Variants in PKIB observed in about 807,000 individuals in gnomAD.
PKIB encodes PKI-beta.
PKIB carries 2 observed loss-of-function variants against 4.5 expected under a neutral mutation model. The ratio of observed to expected loss-of-function variants is 0.44; its 90% confidence interval spans 0.18 to 1.39. The LOEUF is 1.39. Ranked by LOEUF, PKIB falls within the 40% of genes most tolerant of loss-of-function variation. The pLI, the probability that PKIB is intolerant of heterozygous loss-of-function variation, is 0.27. For synonymous variants in PKIB, 38 were observed against 36.0 expected (o/e 1.06, Z -0.20); for missense variants, 94 against 92.6 (o/e 1.02, Z -0.06).
At chr6:122,541,309 A>G (rs1361332395) in intron 2 of PKIB, among the ~76,000 whole-genome samples, 1 of 152,036 alleles carries the variant, frequency 6.6e-6, no homozygotes, top group East Asian at 1.9e-4. Flanking sequence ...ATGTTTTTGC[A>G]GTGGGTGGTA....
intron 2 of PKIB, among the ~76,000 whole-genome samples, chr6:122,520,913 C>T (rs969384105): frequency 7.9e-5 from 12 of 152,142 alleles, no homozygotes; most frequent in African/African-American, 2.9e-4. Context: ...GAAGCATTTT[C>T]CCTGCAAAAA....
chr6:122,567,115 T>C (rs1198934106), intron 2 of PKIB, among the ~76,000 whole-genome samples: 2 of 152,214 alleles, frequency 1.3e-5, no homozygotes, highest in African/African-American at 4.8e-5. Flanking sequence ...CCTGCTCATA[T>C]TTCTCAGACT....
intron 2 of PKIB, among the ~76,000 whole-genome samples, chr6:122,550,734 G>T (rs1179854385): frequency 6.6e-6 from 1 of 152,064 alleles, no homozygotes; most frequent in East Asian, 1.9e-4. Context: ...AAATTTCATT[G>T]ATTTTCTCCT....
intron 3 of PKIB, among the ~76,000 whole-genome samples, chr6:122,594,048 G>T (rs974023389): frequency 6.6e-6 from 1 of 152,004 alleles, no homozygotes; most frequent in South Asian, 2.1e-4. Flanking sequence ...CAATAATGAG[G>T]TTGTAATTAT....
chr6:122,547,156 A>G (rs552143535), intron 2 of PKIB, among the ~76,000 whole-genome samples: 1 of 152,086 alleles, frequency 6.6e-6, no homozygotes, highest in Admixed American at 6.5e-5. Context: ...CTTTCCTCTC[A>G]GATTTGGAAA....
At chr6:122,611,234 G>A (rs1774740683) in intron 1 of PKIB, among the ~76,000 whole-genome samples, 1 of 152,218 alleles carries the variant, frequency 6.6e-6, no homozygotes, top group Non-Finnish European at 1.5e-5. Flanking sequence ...GGAAATTCCT[G>A]AAGGTGCATT....
At chr6:122,607,328 C>CAAAACAAAACAAA (rs1178331395), upstream of PKIB, among the ~76,000 whole-genome samples, 1 of 151,664 alleles carries the variant, frequency 6.6e-6, no homozygotes, top group Non-Finnish European at 1.5e-5. Context: ...CAAAACAAAA[C>CAAAACAAAACAAA]AAAACAAAAC....
chr6:122,533,658 A>G (rs886447874), intron 2 of PKIB, among the ~76,000 whole-genome samples: 1 of 152,168 alleles, frequency 6.6e-6, no homozygotes, highest in Non-Finnish European at 1.5e-5. Flanking sequence ...GAACAACTTT[A>G]TTTTGAGGTG....
intron 2 of PKIB, among the ~76,000 whole-genome samples, chr6:122,543,582 G>T (rs1019079528): frequency 4.6e-5 from 7 of 151,850 alleles, no homozygotes; most frequent in Non-Finnish European, 8.8e-5. Flanking sequence ...GTTTCATCAT[G>T]TTGGCCAGAC....
chr6:122,611,516 C>A (rs79365316), intron 1 of PKIB, among the ~76,000 whole-genome samples: 5,670 of 152,172 alleles, frequency 0.037, 120 homozygotes, highest in African/African-American at 0.058. Flanking sequence ...AAACGTTCAT[C>A]TAGAAAAAAA....
chr6:122,610,640 G>A (rs973709439), intron 1 of PKIB, 105 bp downstream of exon 1: 3 of 152,308 alleles, frequency 2.0e-5, no homozygotes, highest in African/African-American at 7.2e-5. Flanking sequence ...GATGTGGTAA[G>A]TGCAACTTTC....
chr6:122,646,822 A>T (rs1776336084), intron 2 of PKIB, among the ~76,000 whole-genome samples: 1 of 152,154 alleles, frequency 6.6e-6, no homozygotes, highest in Non-Finnish European at 1.5e-5. Flanking sequence ...CTCAATTTAC[A>T]CCTTCTTCAT....
At position 122,499,998 on chromosome 6, in the gene PKIB, G is replaced by T. The variant is rs180779549; in HGVS notation, c.-248+22059G>T. 3.0e-3 allele frequency among the ~76,000 whole-genome samples: 461 copies of T among 152,258 alleles called. 2 individuals carry two copies. The highest frequency in any genetic ancestry group is 0.011 in the African/African-American group (438 of 41,544). On this transcript the variant is annotated intron_variant, in intron 2 of 6. Coordinates refer to the PKIB transcript ENST00000392491. ...TAAGAATACATCTAACAAAGGAGGTGAATGATATCTACAAGGAAAACTATG... is the reference window on the plus strand; with the variant it reads ...TAAGAATACATCTAACAAAGGAGGTTAATGATATCTACAAGGAAAACTATG...
At position 122,568,893 on chromosome 6, in the gene PKIB, T is replaced by C. The variant is rs1252255755; in HGVS notation, c.-247-17028T>C. Among the ~76,000 whole-genome samples the C allele has an allele frequency of 2.6e-5, 4 of 152,126 alleles. No homozygotes were observed. The East Asian group carries it at 7.8e-4, about 29-fold the overall frequency. On this transcript the variant is annotated intron_variant, in intron 2 of 6. Transcript: ENST00000392491. ...TGGCCTCGGGCAGGTCTGAGTTCTG[T>C]GTGCAGACTGCCTGGATCTTAACCC... is the stretch of plus-strand genomic sequence containing the variant.
chr6:122,659,737 G>T (rs910597795), intron 2 of PKIB, among the ~76,000 whole-genome samples: 5 of 152,108 alleles, frequency 3.3e-5, no homozygotes, highest in African/African-American at 1.2e-4. Context: ...CGGTAAAGTT[G>T]CCTATGTGTA....
chr6:122,531,362 G>GT (rs1777253821), intron 2 of PKIB: 2 of 152,082 alleles, frequency 1.3e-5, no homozygotes, highest in Admixed American at 1.3e-4. Flanking sequence ...CACACAAAGA[G>GT]TAACAGAAAG....
At chr6:122,685,071 T>C (rs1041119909) in intron 3 of PKIB, among the ~76,000 whole-genome samples, 2 of 152,148 alleles carry the variant, frequency 1.3e-5, no homozygotes, top group African/African-American at 4.8e-5. Context: ...AAATGTGTTA[T>C]GAAAAGTTAG....
chr6:122,548,032 A>G (rs928836875), intron 2 of PKIB, among the ~76,000 whole-genome samples: 1 of 152,114 alleles, frequency 6.6e-6, no homozygotes, highest in African/African-American at 2.4e-5. Flanking sequence ...CTTTGGGTAC[A>G]TAGGCTCCAT....
At chr6:122,605,427 G>A (rs1331327643), upstream of PKIB, among the ~76,000 whole-genome samples, 3 of 152,160 alleles carry the variant, frequency 2.0e-5, no homozygotes, top group Non-Finnish European at 4.4e-5. Context: ...CTGTCAGCTG[G>A]AGGAAAAGTT....
Sources: gnomAD v4.1 joint callset for allele counts (sites outside exome capture counted in the v4.1 genomes callset) on GRCh38, gnomAD v4.1.1 for gene constraint, MANE v1.5 for transcripts, NCBI Gene and HGNC (gene_info 2026-07-23, HGNC 2026-07-21) for gene names.